Variants in VSTM4 observed in about 807,000 individuals in gnomAD.
The protein encoded by VSTM4 is V-set and transmembrane domain-containing protein 4.
Under a neutral mutation model 36.4 loss-of-function variants are expected in VSTM4, and 20 were observed. The ratio of observed to expected loss-of-function variants is 0.55; its 90% CI spans 0.39 to 0.80. The LOEUF (loss-of-function observed/expected upper bound fraction) is 0.80. Ranked by LOEUF, VSTM4 falls within the 30% of genes least tolerant of loss-of-function variation. VSTM4 has a pLI of 0.00. For synonymous variants in VSTM4, 182 were observed against 173.9 expected (o/e 1.05, Z -0.37); for missense variants, 392 against 404.5 (o/e 0.97, Z 0.26).
At chr10:49,089,391 G>A (rs1844431795) in intron 2 of VSTM4, among the ~76,000 whole-genome samples, 1 of 152,260 alleles carries the variant, frequency 6.6e-6, no homozygotes. Context: ...TCTACACCTT[G>A]AATGAGCTGC....
intron 5 of VSTM4, among the ~76,000 whole-genome samples, chr10:49,056,767 C>T (rs1210172204): frequency 1.3e-5 from 2 of 152,222 alleles, no homozygotes; most frequent in Non-Finnish European, 2.9e-5. Context: ...CCTCCCTGGA[C>T]AAGACATTCT....
intron 7 of VSTM4, among the ~76,000 whole-genome samples, chr10:49,044,046 A>T (rs1378415842): frequency 6.6e-6 from 1 of 152,202 alleles, no homozygotes; most frequent in East Asian, 1.9e-4. Context: ...TTGTCAGGTC[A>T]GCCAGGTGCA....
chr10:49,079,691 T>C (rs959074024), intron 3 of VSTM4, among the ~76,000 whole-genome samples: 2 of 152,050 alleles, frequency 1.3e-5, no homozygotes, highest in African/African-American at 4.8e-5. Context: ...GTGTGTCCAA[T>C]ACCAGGAACA....
chr10:49,070,434 A>C (rs1403952085), intron 4 of VSTM4, among the ~76,000 whole-genome samples: 1 of 151,880 alleles, frequency 6.6e-6, no homozygotes, highest in African/African-American at 2.4e-5. Flanking sequence ...TGGTCAGATC[A>C]CCTGTATGGC....
rs982108891 is a variant in VSTM4 at position 49,056,996 on chromosome 10, C to T, written c.668+7707G>A. On this transcript the variant is annotated intron_variant, in intron 5 of 7. Transcript: ENST00000332853. ...GTAAAGGAGGGGCCCGCATATCATC[C>T]GGCGAGAGGGGGGCAAGAGAAAGAC... Among the ~76,000 whole-genome samples the T allele has an allele frequency of 5.3e-5, 8 of 151,714 alleles. No individual in the cohort carries two copies. In the South Asian group the frequency reaches 1.3e-3, roughly 24 times the overall value.
intron 7 of VSTM4, among the ~76,000 whole-genome samples, chr10:49,045,993 T>C (rs1463819524): frequency 6.6e-6 from 1 of 152,184 alleles, no homozygotes; most frequent in African/African-American, 2.4e-5. Context: ...TGAGTTCTCA[T>C]GAAATCTGAT....
At position 49,028,865 on chromosome 10, in the gene VSTM4, G is replaced by A. The variant is rs945169755; in HGVS notation, c.838-9090C>T. On this transcript the variant is annotated intron_variant, in intron 7 of 7. Transcript: ENST00000332853. ...TGGGACATGGAATGTTTATGTTAAC[G>A]TCATCTTAGAGTTTAAAAATGTGAC... Among the ~76,000 whole-genome samples the A allele has an allele frequency of 3.3e-5, 5 of 152,200 alleles. No individual in the cohort carries two copies. In the South Asian group the frequency reaches 8.3e-4, roughly 25 times the overall value.
intron 7 of VSTM4, among the ~76,000 whole-genome samples, chr10:49,045,742 C>T (rs767246981): frequency 1.3e-5 from 2 of 152,164 alleles, no homozygotes; most frequent in East Asian, 1.9e-4. Context: ...ACCTTAACCA[C>T]GTGATTGAGA....
chr10:49,033,689 T>C (rs1843381071), intron 7 of VSTM4, among the ~76,000 whole-genome samples: 1 of 152,184 alleles, frequency 6.6e-6, no homozygotes, highest in African/African-American at 2.4e-5. Flanking sequence ...AAGTGCCTGG[T>C]TGGAGCAGCT....
rs1843096065 is a variant in VSTM4 at position 49,015,711 on chromosome 10, A to C, written c.*3939T>G. The C allele has an allele frequency of 2.6e-5, 4 of 152,202 alleles. No individual in the cohort carries two copies. The South Asian group carries it at 8.3e-4, about 32-fold the overall frequency. The allele number at this position is 152,202 out of a possible 1,614,324, so 9.4% of individuals were successfully genotyped here. ...GCTCCAAATGACACAGAGCTGGGTC[A>C]CCTGGGTCTCACTGCAGTTTCCTGG... On this transcript the variant is annotated 3_prime_UTR_variant, in exon 8 of 8. Coordinates refer to ENST00000332853, the MANE Select transcript of VSTM4 (RefSeq NM_001031746.5).
At chr10:49,021,866 T>C (rs1371689183) in intron 7 of VSTM4, among the ~76,000 whole-genome samples, 1 of 152,196 alleles carries the variant, frequency 6.6e-6, no homozygotes. Flanking sequence ...AGGAGCTATA[T>C]GTGTACTTTA....
Position 49,107,938 on chromosome 10 carries a change from T to A in VSTM4, c.113A>T (p.Glu38Val), listed in dbSNP as rs1283089876. Residue 38 changes from glutamate to valine, a missense_variant, in exon 2 of 8, where the codon GAG becomes GTG. Glu to Val is a moderately radical substitution (Grantham distance 121). Transcript: ENST00000332853. The stretch of plus-strand genomic sequence containing the variant: ...GCAGAGGAGAGTGGCATTCTCCCCC[T>A]CCAGGTAGTCAACCACGGGCCCCGG... The part of the protein sequence containing the change: ...VSPGPVVDYL[E>V]GENATLLCHV... 2 of 1,611,318 alleles carry A rather than the reference T, an allele frequency of 1.2e-6. No individual in the cohort carries two copies. The highest frequency in any genetic ancestry group is 1.7e-6 in the Non-Finnish European group (2 of 1,178,720).
intron 2 of VSTM4, among the ~76,000 whole-genome samples, chr10:49,086,507 T>C (rs943093456): frequency 3.9e-5 from 6 of 152,230 alleles, no homozygotes; most frequent in Non-Finnish European, 7.3e-5. Context: ...TGAGAACATT[T>C]TGTCTTCTTT....
chr10:49,040,053 C>T lies in VSTM4; in HGVS notation c.837+6930G>A, dbSNP rs569460801. Among the ~76,000 whole-genome samples the T allele has an allele frequency of 3.0e-4, 45 of 152,248 alleles. No homozygotes were observed. In the South Asian group the frequency reaches 5.4e-3, roughly 18 times the overall value. On this transcript the variant is annotated intron_variant, in intron 7 of 7. Coordinates refer to ENST00000332853, the MANE Select transcript of VSTM4 (RefSeq NM_001031746.5). ...CAGGAGGCTTCAAGGGATGCTTGGG[C>T]CAATGCCTCACCCCAAGGGGATGAG... is the stretch of plus-strand genomic sequence containing the variant.
intron 2 of VSTM4, among the ~76,000 whole-genome samples, chr10:49,095,824 T>A (rs1402926882): frequency 6.6e-6 from 1 of 152,220 alleles, no homozygotes; most frequent in African/African-American, 2.4e-5. Context: ...CCCTATGTTA[T>A]GAGGCTGGGG....
In VSTM4 at chr10:49,019,535, C is replaced by T; in HGVS notation, c.*115G>A. 1 of 1,393,650 alleles carries T rather than the reference C, an allele frequency of 7.2e-7. No homozygotes were observed. The highest frequency in any genetic ancestry group is 9.4e-7 in the Non-Finnish European group (1 of 1,064,062). 86.3% of individuals were successfully genotyped at this position (1,393,650 alleles called of 1,614,324 possible). The stretch of plus-strand genomic sequence containing the variant: ...CACCCAGAATGCTGCTGAAAAGGGG[C>T]TCCCCACCACTCAGAAGGCATGAGT... On this transcript the variant is annotated 3_prime_UTR_variant, in exon 8 of 8. Transcript: ENST00000332853.
At chr10:49,064,117 C>G (rs1843929402) in intron 5 of VSTM4, 1 of 152,250 alleles carries the variant, frequency 6.6e-6, no homozygotes, top group African/African-American at 2.4e-5. Flanking sequence ...AACCAGTTTA[C>G]CTTCTTTTCA....
At chr10:49,042,826 ATATAAACACAAAATATGTCAGGGTG>A in intron 7 of VSTM4, among the ~76,000 whole-genome samples, 1 of 152,212 alleles carries the variant, frequency 6.6e-6, no homozygotes, top group South Asian at 2.1e-4. Flanking sequence ...TGATTAATAG[ATATAAACACAAAATATGTCAGGGTG>A]GGTGGTGTTT....
Position 49,086,086 on chromosome 10 carries a change from T to C in VSTM4, c.458-63A>G, listed in dbSNP as rs1844366374. On this transcript the variant is annotated intron_variant, in intron 2 of 7. Transcript: ENST00000332853. ...TAATGCCACATGGTACACATGGCACTTACATTTACAAAGCAATTTCTACAT... is the reference window on the plus strand; with the variant it reads ...TAATGCCACATGGTACACATGGCACCTACATTTACAAAGCAATTTCTACAT... 3 of 1,059,534 alleles carry C rather than the reference T, an allele frequency of 2.8e-6. No individual in the cohort carries two copies. The African/African-American group carries it at 4.9e-5, about 17-fold the overall frequency. 65.6% of individuals were successfully genotyped at this position (1,059,534 alleles called of 1,614,324 possible). A position where few individuals can be genotyped will look rare whatever the true frequency, so the allele number is the denominator to read the frequency against.
Sources: gnomAD v4.1 joint callset for allele counts (sites outside exome capture counted in the v4.1 genomes callset) on GRCh38, gnomAD v4.1.1 for gene constraint, MANE v1.5 for transcripts, NCBI Gene and HGNC (gene_info 2026-07-23, HGNC 2026-07-21) for gene names.